Variants in WDR41 observed in about 807,000 individuals in gnomAD.
WDR41 encodes WD repeat domain 41, also known as WD repeat-containing protein 41.
WDR41 carries 63 observed loss-of-function variants against 69.3 expected under a neutral mutation model. The ratio of observed to expected loss-of-function variants is 0.91; its 90% CI spans 0.74 to 1.12. The LOEUF (loss-of-function observed/expected upper bound fraction) is 1.12. WDR41 is among the 50% of genes most tolerant of loss of function. WDR41 has a pLI of 0.00. For missense variants in WDR41, 543 were observed against 534.5 expected (o/e 1.02, Z -0.16); for synonymous variants, 185 against 192.1 (o/e 0.96, Z 0.31).
At chr5:77,520,943 T>A (rs1802361422) in intron 1 of WDR41, among the ~76,000 whole-genome samples, 1 of 152,180 alleles carries the variant, frequency 6.6e-6, no homozygotes, top group African/African-American at 2.4e-5. Flanking sequence ...CTCCAGGACA[T>A]CTTACTGGCA....
intron 2 of WDR41, among the ~76,000 whole-genome samples, chr5:77,484,746 C>G (rs1188842430): frequency 6.6e-6 from 1 of 152,306 alleles, no homozygotes; most frequent in African/African-American, 2.4e-5. Context: ...CAACTTACAA[C>G]TATGGAAGTG....
chr5:77,520,958 C>T (rs1317444017), intron 1 of WDR41, among the ~76,000 whole-genome samples: 1 of 152,178 alleles, frequency 6.6e-6, no homozygotes, highest in Non-Finnish European at 1.5e-5. Context: ...CTGGCAGCAA[C>T]TCATTACTAC....
Position 77,449,795 on chromosome 5 carries a change from T to A in WDR41, c.662A>T (p.His221Leu). Residue 221 changes from histidine (H) to leucine (L), a missense_variant, in exon 8 of 13, where the codon CAC (histidine) becomes CTC (leucine). His to Leu is a moderately conservative substitution (Grantham distance 99). Coordinates refer to ENST00000296679, the MANE Select transcript of WDR41 (RefSeq NM_018268.4). ...AATCAATGAGAGAATATTATCCTGG[T>A]GATCAAGGAGGCGCTTAACTTCAAG... ...DILEVKRLLD[H>L]QDNILSLINV... The A allele has an allele frequency of 6.2e-7, 1 of 1,613,296 alleles. No homozygotes were observed. The highest frequency in any genetic ancestry group is 8.5e-7 in the Non-Finnish European group (1 of 1,179,290).
chr5:77,456,308 C>A (rs1799830941), intron 5 of WDR41, among the ~76,000 whole-genome samples: 1 of 152,178 alleles, frequency 6.6e-6, no homozygotes, highest in East Asian at 1.9e-4. Context: ...CCCGCCCAGA[C>A]TAAATCTATT....
chr5:77,512,118 C>T (rs185177168), intron 1 of WDR41, among the ~76,000 whole-genome samples: 1 of 152,210 alleles, frequency 6.6e-6, no homozygotes, highest in East Asian at 1.9e-4. Flanking sequence ...ATTTTATTAG[C>T]TTACTTGTGT....
intron 1 of WDR41, among the ~76,000 whole-genome samples, chr5:77,597,563 TAAA>T (rs1744248940): frequency 6.6e-6 from 1 of 152,190 alleles, no homozygotes; most frequent in Admixed American, 6.6e-5. Context: ...TTCAGTAATC[TAAA>T]GTAAGGGGAA....
chr5:77,441,031 C>A, intron 8 of WDR41, 34 bp from the exon 9 acceptor site: 6 of 1,604,414 alleles, frequency 3.7e-6, no homozygotes, highest in Non-Finnish European at 5.1e-6. Context: ...CATTATCGAT[C>A]ATTTTATCTA....
At chr5:77,611,950 A>T (rs1364805560) in intron 1 of WDR41, among the ~76,000 whole-genome samples, 2 of 152,086 alleles carry the variant, frequency 1.3e-5, no homozygotes, top group Admixed American at 6.6e-5. Flanking sequence ...TAAAAAATGA[A>T]AAAGGGGATA....
At chr5:77,562,265 C>T (rs1743541586) in intron 1 of WDR41, among the ~76,000 whole-genome samples, 1 of 152,138 alleles carries the variant, frequency 6.6e-6, no homozygotes, top group African/African-American at 2.4e-5. Flanking sequence ...TCTCACCAAC[C>T]ACGGGCTAAA....
intron 1 of WDR41, among the ~76,000 whole-genome samples, chr5:77,610,739 T>G (rs974114703): frequency 6.6e-6 from 1 of 152,118 alleles, no homozygotes; most frequent in African/African-American, 2.4e-5. Context: ...AGGAAGAAAC[T>G]GCATCAACTA....
intron 1 of WDR41, among the ~76,000 whole-genome samples, chr5:77,560,531 C>T (rs902965499): frequency 3.9e-5 from 6 of 151,968 alleles, no homozygotes; most frequent in African/African-American, 1.4e-4. Context: ...AGATGGGATG[C>T]ATTAAATGAA....
At chr5:77,464,045 T>A (rs1469113306) in intron 3 of WDR41, among the ~76,000 whole-genome samples, 1 of 148,624 alleles carries the variant, frequency 6.7e-6, no homozygotes. Flanking sequence ...AGTATTTATT[T>A]AAAAAAAAAA....
At chr5:77,476,524 T>G (rs1361551953) in intron 2 of WDR41, among the ~76,000 whole-genome samples, 1 of 152,080 alleles carries the variant, frequency 6.6e-6, no homozygotes, top group Non-Finnish European at 1.5e-5. Context: ...ATATTCAACA[T>G]TCTTAAAGAA....
At chr5:77,499,191 GA>G (rs1490706387) in intron 1 of WDR41, 1 of 152,212 alleles carries the variant, frequency 6.6e-6, no homozygotes, top group Non-Finnish European at 1.5e-5. Context: ...GAAAAAGGAG[GA>G]ATGGGGAAGA....
chr5:77,472,088 C>T (rs1200431222), intron 2 of WDR41, among the ~76,000 whole-genome samples: 3 of 152,194 alleles, frequency 2.0e-5, no homozygotes, highest in African/African-American at 7.2e-5. Context: ...ATCAAGTGGG[C>T]TTCATCACTG....
intron 1 of WDR41, among the ~76,000 whole-genome samples, chr5:77,522,636 C>G (rs1184536344): frequency 6.6e-6 from 1 of 151,348 alleles, no homozygotes; most frequent in African/African-American, 2.4e-5. Flanking sequence ...GAGACTCTGT[C>G]TCAAAAAAAA....
intron 1 of WDR41, among the ~76,000 whole-genome samples, chr5:77,524,361 C>T (rs1446514616): frequency 6.6e-6 from 1 of 152,074 alleles, no homozygotes; most frequent in African/African-American, 2.4e-5. Context: ...GCTGAGGCAG[C>T]AGGATAGCTT....
chr5:77,559,310 T>C (rs1743472027), intron 1 of WDR41, among the ~76,000 whole-genome samples: 1 of 152,196 alleles, frequency 6.6e-6, no homozygotes, highest in South Asian at 2.1e-4. Flanking sequence ...CTTAAGAGTA[T>C]AGATGTTAAA....
At chr5:77,462,946 TA>T in intron 4 of WDR41, 148 bp downstream of exon 4, 1 of 760,054 alleles carries the variant, frequency 1.3e-6, no homozygotes, top group Non-Finnish European at 1.9e-6. Flanking sequence ...AGATACCTAA[TA>T]AATGGTATCT....
Sources: gnomAD v4.1 joint callset for allele counts (sites outside exome capture counted in the v4.1 genomes callset) on GRCh38, gnomAD v4.1.1 for gene constraint, MANE v1.5 for transcripts, NCBI Gene and HGNC (gene_info 2026-07-23, HGNC 2026-07-21) for gene names.